The following HLCS variants were observed in gnomAD, a reference collection of about 807,000 sequenced individuals.
The protein encoded by HLCS is holocarboxylase synthetase, also known as biotin--protein ligase.
In HLCS, 53 loss-of-function variants were observed where a neutral mutation model predicts 75.0. That is an observed-to-expected ratio of 0.71 (90% CI 0.57 to 0.89). HLCS has a LOEUF of 0.89. HLCS is among the 40% of genes least tolerant of loss of function. The pLI is 0.00. For synonymous variants in HLCS, 431 were observed against 428.6 expected, an observed-to-expected ratio of 1.01 and a Z score of -0.07; for missense variants, 966 against 1,074.0, an observed-to-expected ratio of 0.90 and a Z score of 1.41.
chr21:36,877,964 C>T (rs2064049096), intron 6 of HLCS, among the ~76,000 whole-genome samples: 2 of 152,150 alleles, frequency 1.3e-5, no homozygotes, highest in African/African-American at 4.8e-5. Context: ...CATTGTTCCT[C>T]ACTGCATGAA....
At chr21:36,838,330 C>CACACACA (rs1480562550) in intron 6 of HLCS, among the ~76,000 whole-genome samples, 3,018 of 138,540 alleles carry the variant, frequency 0.022, 88 homozygotes, top group African/African-American at 0.073. Context: ...ACACACACAC[C>CACACACA]CCCACAACCA....
chr21:36,851,506 T>C (rs996344685), intron 6 of HLCS, among the ~76,000 whole-genome samples: 2 of 152,068 alleles, frequency 1.3e-5, no homozygotes, highest in African/African-American at 4.8e-5. Context: ...TGATGGATGG[T>C]CATCAGAGGC....
rs1351063258 is a variant in HLCS at position 36,748,705 on chromosome 21, ATT to A, written c.*5539_*5540del. On this transcript the variant is annotated 3_prime_UTR_variant, in exon 11 of 11. Coordinates refer to ENST00000674895, the MANE Select transcript of HLCS (RefSeq NM_001352514.2). Reference sequence around the variant, plus strand: ...CCAAGACTAAGGGGGTGACCATGCAATTCCATTTTGTGTCTGTGAACATAGGT... The same window carrying A: ...CCAAGACTAAGGGGGTGACCATGCAACCATTTTGTGTCTGTGAACATAGGT... 2 of 152,632 alleles carry A rather than the reference ATT, an allele frequency of 1.3e-5. No individual in the cohort carries two copies. The highest frequency in any genetic ancestry group is 2.9e-5 in the Non-Finnish European group (2 of 68,052). The allele number at this position is 152,632 out of a possible 1,614,324, so 9.5% of individuals were successfully genotyped here.
At chr21:36,815,802 A>G (rs1240237955) in intron 6 of HLCS, among the ~76,000 whole-genome samples, 1 of 152,234 alleles carries the variant, frequency 6.6e-6, no homozygotes, top group Non-Finnish European at 1.5e-5. Flanking sequence ...AGGATGGTCA[A>G]CTGAGACTCC....
At chr21:36,955,125 G>A (rs1322115900) in intron 2 of HLCS, among the ~76,000 whole-genome samples, 10 of 152,160 alleles carry the variant, frequency 6.6e-5, no homozygotes, top group African/African-American at 2.2e-4. Context: ...AGCTACTGTG[G>A]GGGAAGGCAT....
At chr21:36,817,103 C>T (rs1423142815) in intron 6 of HLCS, among the ~76,000 whole-genome samples, 1 of 152,112 alleles carries the variant, frequency 6.6e-6, no homozygotes, top group Non-Finnish European at 1.5e-5. Flanking sequence ...GATGTAGACT[C>T]GATTAGAGTG....
chr21:36,845,538 A>C (rs2835486), intron 6 of HLCS, among the ~76,000 whole-genome samples: 9,621 of 152,206 alleles, frequency 0.063, 1,038 homozygotes, highest in African/African-American at 0.22. Context: ...CATGGTATGC[A>C]AGGCTCATTC....
At chr21:36,867,005 G>T (rs1346390344) in intron 6 of HLCS, among the ~76,000 whole-genome samples, 1 of 152,168 alleles carries the variant, frequency 6.6e-6, no homozygotes, top group African/African-American at 2.4e-5. Context: ...TCAGCCCACA[G>T]ATGGTTGCAG....
Position 36,877,281 on chromosome 21 carries a change from G to C in HLCS, c.1892+19579C>G, listed in dbSNP as rs77611067. Among the ~76,000 whole-genome samples, 1,044 of 151,792 alleles carry C rather than the reference G, an allele frequency of 6.9e-3. 14 individuals are homozygous for C. The highest frequency in any genetic ancestry group is 0.023 in the African/African-American group (966 of 41,442). ...AAGGTTGAATTGAGTTAAACCATTTGGTTAATTTTTATTTTTTTCTCTCTT... is the reference window on the plus strand; with the variant it reads ...AAGGTTGAATTGAGTTAAACCATTTCGTTAATTTTTATTTTTTTCTCTCTT... On this transcript the variant is annotated intron_variant, in intron 6 of 10. Coordinates refer to ENST00000674895, the MANE Select transcript of HLCS (RefSeq NM_001352514.2).
intron 6 of HLCS, among the ~76,000 whole-genome samples, chr21:36,884,727 A>G (rs1407125235): frequency 1.3e-5 from 2 of 152,212 alleles, no homozygotes; most frequent in Admixed American, 1.3e-4. Context: ...TTGTTTAAAT[A>G]AAACAGAGGC....
chr21:36,923,622 T>C (rs2066273121), intron 5 of HLCS, among the ~76,000 whole-genome samples: 1 of 152,154 alleles, frequency 6.6e-6, no homozygotes, highest in Non-Finnish European at 1.5e-5. Context: ...GCCCCGGGTA[T>C]TTACTCTGCA....
At chr21:36,924,078 T>A (rs1222014461) in intron 5 of HLCS, among the ~76,000 whole-genome samples, 5 of 152,162 alleles carry the variant, frequency 3.3e-5, no homozygotes, top group Admixed American at 2.0e-4. Context: ...TCCTCTCTAA[T>A]TTGGATCTCT....
chr21:36,831,478 G>A (rs1445705333), intron 6 of HLCS, among the ~76,000 whole-genome samples: 1 of 152,086 alleles, frequency 6.6e-6, no homozygotes, highest in African/African-American at 2.4e-5. Flanking sequence ...TCAGGAGTTC[G>A]AGACCAGCCT....
intron 2 of HLCS, among the ~76,000 whole-genome samples, chr21:36,960,279 C>T (rs1481339833): frequency 6.6e-6 from 1 of 152,060 alleles, no homozygotes; most frequent in Non-Finnish European, 1.5e-5. Context: ...GACCAGTGGG[C>T]ACAAGCAATA....
At chr21:36,942,955 T>C (rs895493337) in intron 2 of HLCS, among the ~76,000 whole-genome samples, 1 of 148,968 alleles carries the variant, frequency 6.7e-6, no homozygotes, top group Non-Finnish European at 1.5e-5. Flanking sequence ...GAAAAGAAAA[T>C]ATACAAACGC....
intron 6 of HLCS, among the ~76,000 whole-genome samples, chr21:36,825,565 G>T (rs1344214338): frequency 1.3e-5 from 2 of 152,074 alleles, no homozygotes; most frequent in African/African-American, 4.8e-5. Context: ...TAGCCTTCTT[G>T]TTTCCATTAA....
chr21:36,799,269 G>A (rs1243010477), intron 6 of HLCS, among the ~76,000 whole-genome samples: 1 of 152,066 alleles, frequency 6.6e-6, no homozygotes, highest in Non-Finnish European at 1.5e-5. Context: ...TATTGAAATG[G>A]CTATCTTTTC....
At chr21:36,812,356 A>C (rs1158146510) in intron 6 of HLCS, among the ~76,000 whole-genome samples, 2 of 152,222 alleles carry the variant, frequency 1.3e-5, no homozygotes, top group African/African-American at 4.8e-5. Flanking sequence ...AGAGTATGTT[A>C]GCTAAAGCTT....
At chr21:36,882,924 C>T (rs2064292821) in intron 6 of HLCS, among the ~76,000 whole-genome samples, 1 of 152,174 alleles carries the variant, frequency 6.6e-6, no homozygotes, top group African/African-American at 2.4e-5. Flanking sequence ...CATCTCCTTG[C>T]CCTTCCACAA....
Sources: allele counts gnomAD v4.1 joint callset (sites outside exome capture counted in the v4.1 genomes callset), GRCh38; gene constraint gnomAD v4.1.1; transcripts MANE v1.5; gene names NCBI Gene and HGNC (gene_info 2026-07-23, HGNC 2026-07-21).